The following MARCHF8 variants were observed in gnomAD, a reference collection of about 807,000 sequenced individuals.
MARCHF8 encodes E3 ubiquitin-protein ligase MARCHF8.
Under a neutral mutation model 51.6 loss-of-function variants are expected in MARCHF8, and 40 were observed. That is an observed-to-expected ratio of 0.77 (90% CI 0.60 to 1.01). MARCHF8 has a LOEUF of 1.01. MARCHF8 is among the 50% of genes least tolerant of loss of function. The pLI is 0.00. For missense variants in MARCHF8, 685 were observed against 708.6 expected (o/e 0.97, Z 0.38); for synonymous variants, 263 against 280.3 (o/e 0.94, Z 0.62).
chr10:45,502,140 T>C (rs1453818823), intron 2 of MARCHF8, among the ~76,000 whole-genome samples: 12 of 152,148 alleles, frequency 7.9e-5, no homozygotes, highest in Admixed American at 7.8e-4. Flanking sequence ...CTTGGAGAAA[T>C]GAAAACACAT....
At chr10:45,512,298 T>G (rs1209747488) in intron 2 of MARCHF8, among the ~76,000 whole-genome samples, 3 of 146,598 alleles carry the variant, frequency 2.0e-5, no homozygotes, top group Non-Finnish European at 3.0e-5. Flanking sequence ...CCACCCCGTC[T>G]GGGAAGTGAG....
At chr10:45,571,792 G>A (rs981911328) in intron 1 of MARCHF8, among the ~76,000 whole-genome samples, 5 of 151,906 alleles carry the variant, frequency 3.3e-5, no homozygotes, top group African/African-American at 7.3e-5. Context: ...CAATCTTCGC[G>A]CCACACTTCA....
At chr10:45,515,963 C>G (rs2043611282) in intron 2 of MARCHF8, among the ~76,000 whole-genome samples, 1 of 152,228 alleles carries the variant, frequency 6.6e-6, no homozygotes, top group Non-Finnish European at 1.5e-5. Flanking sequence ...CAATGTCTTA[C>G]GAGATTTCAT....
chr10:45,474,738 G>A (rs1283363650), intron 3 of MARCHF8, among the ~76,000 whole-genome samples: 1 of 152,192 alleles, frequency 6.6e-6, no homozygotes, highest in African/African-American at 2.4e-5. Context: ...CAACAGAGAA[G>A]TGACAGAAAA....
At chr10:45,501,445 T>C (rs2043278433) in intron 2 of MARCHF8, among the ~76,000 whole-genome samples, 1 of 152,262 alleles carries the variant, frequency 6.6e-6, no homozygotes, top group African/African-American at 2.4e-5. Context: ...CAAATGATGC[T>C]GGAACAAAGC....
In MARCHF8 at chr10:45,458,078, T is replaced by A; in HGVS notation, c.*161A>T. On this transcript the variant is annotated 3_prime_UTR_variant, in exon 8 of 8. Transcript: ENST00000453424. ...AGGCATGCCTGGCCCACAGGAAGGTTTTCTAGGAGACTAAGGAGGGTTTAG... is the reference window on the plus strand; with the variant it reads ...AGGCATGCCTGGCCCACAGGAAGGTATTCTAGGAGACTAAGGAGGGTTTAG... 2.6e-6 allele frequency: 2 copies of A among 781,078 alleles called. No individual in the cohort carries two copies. The highest frequency in any genetic ancestry group is 3.9e-6 in the Non-Finnish European group (2 of 514,452). The allele number at this position is 781,078 out of a possible 1,614,324, so 48.4% of individuals were successfully genotyped here. A position where few individuals can be genotyped will look rare whatever the true frequency, so the allele number is the denominator to read the frequency against.
intron 2 of MARCHF8, among the ~76,000 whole-genome samples, chr10:45,494,038 A>G (rs2043130101): frequency 6.6e-6 from 1 of 152,256 alleles, no homozygotes; most frequent in Non-Finnish European, 1.5e-5. Flanking sequence ...TTGAGTTAAT[A>G]CAAATCAATC....
At chr10:45,590,344 A>G (rs2133446488) in intron 1 of MARCHF8, among the ~76,000 whole-genome samples, 1 of 152,262 alleles carries the variant, frequency 6.6e-6, no homozygotes, top group Non-Finnish European at 1.5e-5. Context: ...AGTTCCTTAA[A>G]TACTCTGGAT....
intron 2 of MARCHF8, among the ~76,000 whole-genome samples, chr10:45,527,177 C>T (rs752971182): frequency 4.6e-5 from 7 of 151,640 alleles, no homozygotes; most frequent in South Asian, 2.1e-4. Flanking sequence ...ATGCCTAAAT[C>T]GAAAAAAATA....
intron 1 of MARCHF8, among the ~76,000 whole-genome samples, chr10:45,559,505 G>A (rs1053547144): frequency 3.9e-5 from 6 of 152,162 alleles, no homozygotes; most frequent in Admixed American, 1.3e-4. Flanking sequence ...ACGGGCATGC[G>A]CCACCACGCC....
intron 1 of MARCHF8, among the ~76,000 whole-genome samples, chr10:45,582,444 C>A (rs977141551): frequency 1.1e-4 from 16 of 152,284 alleles, no homozygotes; most frequent in Admixed American, 9.2e-4. Flanking sequence ...GCACTCCCCC[C>A]ACAAGCTGTT....
chr10:45,481,075 G>C (rs1441134159), intron 3 of MARCHF8, among the ~76,000 whole-genome samples: 1 of 152,248 alleles, frequency 6.6e-6, no homozygotes, highest in East Asian at 1.9e-4. Context: ...GAGACATGGA[G>C]TCAAAGGAGA....
intron 2 of MARCHF8, among the ~76,000 whole-genome samples, chr10:45,511,433 T>C (rs1333543489): frequency 1.3e-5 from 2 of 150,396 alleles, no homozygotes; most frequent in Non-Finnish European, 3.0e-5. Context: ...CTCCCTCTCT[T>C]TCCACGGTCT....
intron 1 of MARCHF8, among the ~76,000 whole-genome samples, chr10:45,551,251 C>A (rs1268822787): frequency 6.6e-6 from 1 of 152,136 alleles, no homozygotes; most frequent in East Asian, 1.9e-4. Flanking sequence ...ATTCACCAGG[C>A]CCTCCCTGTG....
chr10:45,520,092 T>C (rs913142243), intron 2 of MARCHF8, among the ~76,000 whole-genome samples: 5 of 152,162 alleles, frequency 3.3e-5, no homozygotes, highest in African/African-American at 9.7e-5. Context: ...CCCAACCTTT[T>C]TGATTCTCAG....
At chr10:45,530,510 A>G (rs1033536444) in intron 2 of MARCHF8, among the ~76,000 whole-genome samples, 1 of 152,232 alleles carries the variant, frequency 6.6e-6, no homozygotes, top group Non-Finnish European at 1.5e-5. Context: ...GGCCAGGTGC[A>G]GTGGCTCACA....
chr10:45,460,293 C>G (rs1239801652), intron 6 of MARCHF8, among the ~76,000 whole-genome samples: 1 of 152,148 alleles, frequency 6.6e-6, no homozygotes, highest in Non-Finnish European at 1.5e-5. Context: ...ATGCTTTACT[C>G]CACAGACAGC....
intron 2 of MARCHF8, among the ~76,000 whole-genome samples, chr10:45,499,500 A>T (rs1011921218): frequency 3.3e-5 from 5 of 152,136 alleles, no homozygotes; most frequent in Non-Finnish European, 7.4e-5. Context: ...TATCCAAAAA[A>T]TTTTTGCCAA....
chr10:45,469,727 T>C (rs1843099792), intron 3 of MARCHF8, among the ~76,000 whole-genome samples: 1 of 151,098 alleles, frequency 6.6e-6, no homozygotes. Context: ...TAGCCAGGCG[T>C]GGTGGCGGGC....
Sources: allele counts gnomAD v4.1 joint callset (sites outside exome capture counted in the v4.1 genomes callset), GRCh38; gene constraint gnomAD v4.1.1; transcripts MANE v1.5; gene names NCBI Gene and HGNC (gene_info 2026-07-23, HGNC 2026-07-21).